Variants in DRICH1 observed in about 807,000 individuals in gnomAD.
The protein encoded by DRICH1 is aspartate-rich protein 1.
DRICH1 carries 38 observed loss-of-function variants against 39.5 expected under a neutral mutation model. The ratio of observed to expected loss-of-function variants is 0.96; its 90% CI spans 0.74 to 1.26. The LOEUF (loss-of-function observed/expected upper bound fraction) is 1.26, where lower values mean the gene tolerates loss of function less well. DRICH1 is among the 50% of genes most tolerant of loss of function. DRICH1 has a pLI of 0.00. For synonymous variants in DRICH1, 84 were observed against 99.5 expected (o/e 0.84, Z 0.93); for missense variants, 279 against 270.4 (o/e 1.03, Z -0.22).
At chr22:23,629,917 A>G (rs1252669844) in intron 1 of DRICH1, among the ~76,000 whole-genome samples, 1 of 152,092 alleles carries the variant, frequency 6.6e-6, no homozygotes, top group Non-Finnish European at 1.5e-5. Flanking sequence ...GTGCCCGGCC[A>G]TGGATTGGAG....
At chr22:23,616,504 A>T (rs549706037) in intron 8 of DRICH1, among the ~76,000 whole-genome samples, 43 of 152,170 alleles carry the variant, frequency 2.8e-4, no homozygotes, top group Admixed American at 4.6e-4. Context: ...GAAATGCTGT[A>T]TTATTAGACC....
intron 4 of DRICH1, 64 bp downstream of exon 4, chr22:23,622,027 G>A (rs1927769397): frequency 6.6e-7 from 1 of 1,511,654 alleles, no homozygotes; most frequent in Admixed American, 1.7e-5. Flanking sequence ...GATTGGACTG[G>A]TGAGTTTGTT....
chr22:23,626,081 G>A, intron 1 of DRICH1, 33 bp from the exon 2 acceptor site: 1 of 1,511,726 alleles, frequency 6.6e-7, no homozygotes, highest in Non-Finnish European at 9.2e-7. Flanking sequence ...TCAGTGCCCT[G>A]GTGGTTGGAG....
downstream of DRICH1, among the ~76,000 whole-genome samples, chr22:23,606,127 C>CA (rs1425429554): frequency 6.6e-6 from 1 of 151,268 alleles, no homozygotes; most frequent in Non-Finnish European, 1.5e-5. Context: ...TCATGATGGA[C>CA]AAAATAGTAA....
At chr22:23,623,103 G>C (rs1927862138) in intron 3 of DRICH1, among the ~76,000 whole-genome samples, 1 of 152,082 alleles carries the variant, frequency 6.6e-6, no homozygotes, top group South Asian at 2.1e-4. Context: ...AAAAATATTG[G>C]TACAAGATAT....
At chr22:23,601,140 A>ACGTG in the DRICH1 span, among the ~76,000 whole-genome samples, 4,077 of 142,650 alleles carry the variant, frequency 0.029, 68 homozygotes, top group Middle Eastern at 0.066. Context: ...GACCTAACGC[A>ACGTG]CGCGCGCACA....
chr22:23,595,326 G>A, the DRICH1 span, among the ~76,000 whole-genome samples: 2 of 149,388 alleles, frequency 1.3e-5, no homozygotes, highest in African/African-American at 2.5e-5. Flanking sequence ...TGTGTCTTCT[G>A]TGTGAGGAGT....
downstream of DRICH1, among the ~76,000 whole-genome samples, chr22:23,605,519 GGGA>G (rs542347506): frequency 6.6e-6 from 1 of 151,996 alleles, no homozygotes; most frequent in African/African-American, 2.4e-5. Flanking sequence ...CATACATAGT[GGGA>G]GGAGGAGGAG....
At chr22:23,595,847 G>C in the DRICH1 span, among the ~76,000 whole-genome samples, 1 of 152,184 alleles carries the variant, frequency 6.6e-6, no homozygotes, top group Non-Finnish European at 1.5e-5. Context: ...ATCTAGGGAG[G>C]AGGAACTGAG....
the DRICH1 span, among the ~76,000 whole-genome samples, chr22:23,598,713 C>T: frequency 9.8e-5 from 15 of 152,338 alleles, no homozygotes; most frequent in East Asian, 7.7e-4. Flanking sequence ...TCTGCATCCC[C>T]GAAATGGGGT....
the DRICH1 span, among the ~76,000 whole-genome samples, chr22:23,584,166 C>T: frequency 2.6e-5 from 4 of 151,896 alleles, no homozygotes; most frequent in Admixed American, 6.6e-5. Context: ...AGGCTCACCT[C>T]ACCCCTTCCT....
At chr22:23,594,804 A>G in the DRICH1 span, among the ~76,000 whole-genome samples, 1 of 151,368 alleles carries the variant, frequency 6.6e-6, no homozygotes, top group African/African-American at 2.4e-5. Context: ...GGAACCTCAG[A>G]CCTGGGCCAG....
chr22:23,625,971 G>C lies in DRICH1; in HGVS notation c.276+10C>G, dbSNP rs560667725. On this transcript the variant is annotated intron_variant, in intron 2 of 11. Coordinates refer to ENST00000317749, the MANE Select transcript of DRICH1 (RefSeq NM_016449.4). ...ACATTTCCTTAGAAGGCAAAGAAAG[G>C]GGGTCTTACCTTGGCATCATCATTG... is the stretch of plus-strand genomic sequence containing the variant. 6.2e-7 allele frequency: 1 copy of C among 1,608,518 alleles called. No homozygotes were observed. The highest frequency in any genetic ancestry group is 1.3e-5 in the African/African-American group (1 of 74,782).
At position 23,632,158 on chromosome 22, in the gene DRICH1, A is replaced by C. The variant is rs1272862568; in HGVS notation, c.-135T>G. On this transcript the variant is annotated 5_prime_UTR_variant, in exon 1 of 12. Transcript: ENST00000317749. ...TGACCCCAGGCAGATCTGGGTCCTC[A>C]GCCCTTATTCTGCCGCCACCTCCCA... The C allele has an allele frequency of 1.8e-5, 26 of 1,436,658 alleles. No homozygotes were observed. Among genetic ancestry groups the C allele is most frequent in the Middle Eastern group, 2.5e-4 (1 of 3,964 alleles). The allele number at this position is 1,436,658 out of a possible 1,614,324, so 89.0% of individuals were successfully genotyped here. A position where few individuals can be genotyped will look rare whatever the true frequency, so the allele number is the denominator to read the frequency against.
intron 1 of DRICH1, among the ~76,000 whole-genome samples, chr22:23,628,499 G>C (rs1001329123): frequency 1.3e-5 from 2 of 152,100 alleles, no homozygotes; most frequent in Non-Finnish European, 1.5e-5. Flanking sequence ...CTTGGGAGGT[G>C]GACGTTGCAG....
chr22:23,618,287 T>G (rs1927493444), intron 6 of DRICH1, among the ~76,000 whole-genome samples: 3 of 151,902 alleles, frequency 2.0e-5, no homozygotes, highest in Non-Finnish European at 4.4e-5. Context: ...CTAATTTTTT[T>G]GTATTTTTAG....
chr22:23,593,188 T>C, the DRICH1 span, among the ~76,000 whole-genome samples: 1 of 151,858 alleles, frequency 6.6e-6, no homozygotes, highest in Admixed American at 6.6e-5. Context: ...ATTAATAAAA[T>C]GAGAATATCA....
chr22:23,592,880 A>AC, the DRICH1 span, among the ~76,000 whole-genome samples: 7 of 144,346 alleles, frequency 4.8e-5, no homozygotes, highest in Admixed American at 6.9e-5. Flanking sequence ...ACACACACAC[A>AC]AAATTAGCTG....
At chr22:23,594,343 T>G in the DRICH1 span, among the ~76,000 whole-genome samples, 2 of 151,922 alleles carry the variant, frequency 1.3e-5, no homozygotes, top group Non-Finnish European at 2.9e-5. Context: ...CCAAGGGAGG[T>G]GGATCACCTG....
Sources: allele counts gnomAD v4.1 joint callset (sites outside exome capture counted in the v4.1 genomes callset), GRCh38; gene constraint gnomAD v4.1.1; transcripts MANE v1.5; gene names NCBI Gene and HGNC (gene_info 2026-07-23, HGNC 2026-07-21).